The following CSMD1 variants were observed in gnomAD, a reference collection of about 807,000 sequenced individuals.
CSMD1 encodes the protein CUB and sushi domain-containing protein 1.
In CSMD1, 213 loss-of-function variants were observed where a neutral mutation model predicts 417.5. The ratio of observed to expected loss-of-function variants is 0.51; its 90% confidence interval spans 0.46 to 0.57. CSMD1 has a LOEUF of 0.57. Ranked by LOEUF, CSMD1 falls within the 20% of genes least tolerant of loss-of-function variation. The pLI is 0.00. For missense variants in CSMD1, 6,923 were observed against 4,529.7 expected, an observed-to-expected ratio of 1.53 and a Z score of -15.17; for synonymous variants, 2,862 against 1,736.8, an observed-to-expected ratio of 1.65 and a Z score of -16.11.
At chr8:4,422,404 A>G (rs1397987648) in intron 2 of CSMD1, among the ~76,000 whole-genome samples, 1 of 152,138 alleles carries the variant, frequency 6.6e-6, no homozygotes, top group African/African-American at 2.4e-5. Flanking sequence ...TACAGAGGTA[A>G]TTATAGTTAA....
At chr8:3,939,901 T>C (rs1585002161) in intron 5 of CSMD1, among the ~76,000 whole-genome samples, 3 of 151,978 alleles carry the variant, frequency 2.0e-5, no homozygotes, top group Non-Finnish European at 2.9e-5. Context: ...AGACTACATA[T>C]TGGGTTCACT....
At chr8:4,240,240 G>A (rs1389127851) in intron 3 of CSMD1, among the ~76,000 whole-genome samples, 1 of 152,238 alleles carries the variant, frequency 6.6e-6, no homozygotes, top group Admixed American at 6.5e-5. Flanking sequence ...GTGCTAACCT[G>A]TTTCATGAGG....
chr8:4,065,821 CT>C (rs942136679), intron 3 of CSMD1, among the ~76,000 whole-genome samples: 2 of 152,068 alleles, frequency 1.3e-5, no homozygotes, highest in African/African-American at 4.8e-5. Flanking sequence ...GAGGAGTTTT[CT>C]TTTTTTGGAA....
intron 46 of CSMD1, among the ~76,000 whole-genome samples, chr8:3,098,750 CT>C (rs1290900154): frequency 6.6e-6 from 1 of 152,112 alleles, no homozygotes; most frequent in Non-Finnish European, 1.5e-5. Flanking sequence ...TCTGTGCAGG[CT>C]AGGACCTCAA....
Position 4,390,497 on chromosome 8 carries a change from T to TTTTTTTTATTTA in CSMD1, c.415+29455_415+29456insTAAATAAAAAAA, listed in dbSNP as rs58291340. On this transcript the variant is annotated intron_variant, in intron 3 of 69. Transcript: ENST00000635120. Reference sequence around the variant, plus strand: ...AACTGTTACCCACAGAAGCGTCCATTTTTATTTATTTATTTATTTATTTAT... The same window carrying TTTTTTTTATTTA: ...AACTGTTACCCACAGAAGCGTCCATTTTTTTTTATTTATTTATTTATTTATTTATTTATTTAT... 3.2e-3 allele frequency among the ~76,000 whole-genome samples: 450 copies of TTTTTTTTATTTA among 140,360 alleles called. 2 individuals are homozygous for TTTTTTTTATTTA. Among genetic ancestry groups the TTTTTTTTATTTA allele is most frequent in the African/African-American group, 0.012 (437 of 37,138 alleles). 92.1% of individuals were successfully genotyped at this position (140,360 alleles called of 152,430 possible).
At chr8:4,548,125 G>A (rs1400271122) in intron 2 of CSMD1, among the ~76,000 whole-genome samples, 1 of 152,004 alleles carries the variant, frequency 6.6e-6, no homozygotes, top group East Asian at 1.9e-4. Flanking sequence ...CTTTGATGAT[G>A]ATACTGTTTT....
chr8:3,404,334 CAAAAAA>C (rs60637061), intron 15 of CSMD1, among the ~76,000 whole-genome samples: 110,134 of 140,804 alleles, frequency 0.78, 42,942 homozygotes, highest in South Asian at 0.83. Flanking sequence ...GACGCTATCT[CAAAAAA>C]AAAAAAAAAA....
chr8:4,831,726 C>T (rs887453614), intron 1 of CSMD1, among the ~76,000 whole-genome samples: 2 of 152,138 alleles, frequency 1.3e-5, no homozygotes, highest in Non-Finnish European at 2.9e-5. Context: ...AAACACATGC[C>T]TGTACCTGGC....
chr8:3,600,563 A>T (rs1801313380), intron 8 of CSMD1, among the ~76,000 whole-genome samples: 1 of 152,124 alleles, frequency 6.6e-6, no homozygotes. Context: ...GCTCCCATTT[A>T]CTCACCCAGC....
intron 3 of CSMD1, among the ~76,000 whole-genome samples, chr8:4,404,588 A>G (rs1804881044): frequency 6.6e-6 from 1 of 152,194 alleles, no homozygotes; most frequent in Non-Finnish European, 1.5e-5. Flanking sequence ...AATTTTAGCT[A>G]GTAATGGCAA....
At chr8:3,478,572 G>C (rs1232245236) in intron 11 of CSMD1, among the ~76,000 whole-genome samples, 1 of 152,168 alleles carries the variant, frequency 6.6e-6, no homozygotes, top group East Asian at 1.9e-4. Flanking sequence ...AGAGCATGGG[G>C]TGACTTGTGG....
chr8:3,435,553 G>C (rs1814504622), intron 12 of CSMD1, among the ~76,000 whole-genome samples: 1 of 152,080 alleles, frequency 6.6e-6, no homozygotes, highest in African/African-American at 2.4e-5. Context: ...CCTGCATGGA[G>C]ACTTCGAATC....
intron 41 of CSMD1, among the ~76,000 whole-genome samples, chr8:3,129,133 C>T (rs556453284): frequency 6.6e-6 from 1 of 152,126 alleles, no homozygotes; most frequent in Non-Finnish European, 1.5e-5. Flanking sequence ...AAGTCAGGCC[C>T]ACTTTGCCAG....
intron 36 of CSMD1, among the ~76,000 whole-genome samples, chr8:3,181,984 T>C (rs1485525190): frequency 6.6e-6 from 1 of 152,194 alleles, no homozygotes; most frequent in Non-Finnish European, 1.5e-5. Flanking sequence ...GTCACTTTTT[T>C]CCTGATGTAT....
chr8:4,026,887 G>C (rs974082983), intron 4 of CSMD1, among the ~76,000 whole-genome samples: 13 of 152,136 alleles, frequency 8.5e-5, no homozygotes, highest in Non-Finnish European at 1.9e-4. Context: ...GCAAGGTGTA[G>C]TATGCTGCTG....
At chr8:3,022,926 G>C (rs945789267) in intron 51 of CSMD1, among the ~76,000 whole-genome samples, 1 of 152,186 alleles carries the variant, frequency 6.6e-6, no homozygotes, top group Non-Finnish European at 1.5e-5. Context: ...CTGGCACAAA[G>C]TAAAAATGTT....
At chr8:3,501,114 A>C (rs1290672023) in intron 10 of CSMD1, among the ~76,000 whole-genome samples, 2 of 152,228 alleles carry the variant, frequency 1.3e-5, no homozygotes, top group Non-Finnish European at 2.9e-5. Context: ...CAATTTACTG[A>C]AAAAAATTCA....
intron 10 of CSMD1, among the ~76,000 whole-genome samples, chr8:3,513,891 T>C (rs1176160310): frequency 6.6e-6 from 1 of 152,142 alleles, no homozygotes; most frequent in Non-Finnish European, 1.5e-5. Flanking sequence ...ACACAAAGGT[T>C]ATAACCACAG....
intron 3 of CSMD1, among the ~76,000 whole-genome samples, chr8:4,409,645 T>C (rs73177375): frequency 2.6e-4 from 2 of 7,678 alleles, no homozygotes; most frequent in Non-Finnish European, 2.3e-4. Flanking sequence ...TTTTTTTCTT[T>C]TTTTTTTTTT....
Sources: gnomAD v4.1 joint callset for allele counts (sites outside exome capture counted in the v4.1 genomes callset) on GRCh38, gnomAD v4.1.1 for gene constraint, MANE v1.5 for transcripts, NCBI Gene and HGNC (gene_info 2026-07-23, HGNC 2026-07-21) for gene names.